FAM13A: variants seen among roughly 807,000 people sequenced by gnomAD.
FAM13A encodes family with sequence similarity 13 member A, also known as protein FAM13A.
In FAM13A, 76 loss-of-function variants were observed where a neutral mutation model predicts 129.6. The observed-to-expected ratio is 0.59, with a 90% CI of 0.49 to 0.71. The LOEUF (loss-of-function observed/expected upper bound fraction) is 0.71. Among genes scored for constraint, FAM13A ranks in the 30% least tolerant of loss-of-function variants. FAM13A has a pLI of 0.00. For synonymous variants in FAM13A, 443 were observed against 449.9 expected (o/e 0.98, Z 0.20); for missense variants, 1,108 against 1,249.3 (o/e 0.89, Z 1.70).
chr4:88,950,468 T>C (rs965988484), intron 4 of FAM13A, among the ~76,000 whole-genome samples: 3 of 152,198 alleles, frequency 2.0e-5, no homozygotes, highest in African/African-American at 7.2e-5. Context: ...TAGAAGCACA[T>C]GATAATTGGG....
chr4:88,945,990 G>GTGTGTGTATATATATATA, intron 4 of FAM13A, among the ~76,000 whole-genome samples: 93 of 61,846 alleles, frequency 1.5e-3, no homozygotes, highest in East Asian at 2.8e-3. Flanking sequence ...GTGTGTGTGT[G>GTGTGTGTATATATATATA]TATATATATA....
At chr4:89,050,143 G>A (rs548107742) in intron 1 of FAM13A, among the ~76,000 whole-genome samples, 4 of 152,290 alleles carry the variant, frequency 2.6e-5, no homozygotes, top group South Asian at 2.1e-4. Context: ...AGTCAGTGAC[G>A]AAAACCAGGA....
chr4:88,747,916 GT>G, intron 17 of FAM13A, 65 bp from the exon 18 acceptor site: 1 of 1,182,016 alleles, frequency 8.5e-7, no homozygotes, highest in Non-Finnish European at 1.2e-6. Context: ...TTGAGATGGA[GT>G]CTCGCTCTGT....
chr4:88,923,924 G>A (rs1277725042), intron 5 of FAM13A, among the ~76,000 whole-genome samples: 5 of 152,148 alleles, frequency 3.3e-5, no homozygotes, highest in Non-Finnish European at 7.3e-5. Context: ...CAAACAGAGA[G>A]CCAAATCATG....
At chr4:89,008,047 A>G in intron 3 of FAM13A, among the ~76,000 whole-genome samples, 1 of 133,146 alleles carries the variant, frequency 7.5e-6, no homozygotes, top group African/African-American at 2.9e-5. Flanking sequence ...TTCTAAATTC[A>G]CTAGACATTA....
intron 2 of FAM13A, among the ~76,000 whole-genome samples, chr4:89,028,319 C>A (rs919358709): frequency 4.6e-5 from 7 of 151,440 alleles, no homozygotes. Context: ...CCTTAGAAAA[C>A]CAAACCATGC....
At chr4:88,823,064 G>A (rs370606262) in intron 7 of FAM13A, 3 of 1,608,880 alleles carry the variant, frequency 1.9e-6, no homozygotes, top group Non-Finnish European at 2.5e-6. Context: ...AAGTTTGGTC[G>A]TCTGTACAGT....
At chr4:88,744,318 T>C (rs1456888461) in intron 19 of FAM13A, among the ~76,000 whole-genome samples, 1 of 152,178 alleles carries the variant, frequency 6.6e-6, no homozygotes, top group Non-Finnish European at 1.5e-5. Context: ...TTCTGTGACA[T>C]GGTCTTTTGA....
chr4:89,042,363 A>T (rs1770260986), intron 1 of FAM13A, among the ~76,000 whole-genome samples: 1 of 152,188 alleles, frequency 6.6e-6, no homozygotes. Context: ...AGAATCCCCA[A>T]ATAGTGCTCT....
At chr4:88,978,891 AAAAT>A (rs1761278172) in intron 4 of FAM13A, among the ~76,000 whole-genome samples, 1 of 152,266 alleles carries the variant, frequency 6.6e-6, no homozygotes, top group Admixed American at 6.5e-5. Context: ...AAAAGCTTCA[AAAAT>A]AAATCATAAG....
intron 4 of FAM13A, among the ~76,000 whole-genome samples, chr4:88,977,449 C>A (rs1761059351): frequency 2.0e-5 from 3 of 152,136 alleles, no homozygotes; most frequent in Admixed American, 2.0e-4. Flanking sequence ...AAAACACCTG[C>A]AAATCACTTA....
intron 6 of FAM13A, among the ~76,000 whole-genome samples, chr4:88,871,467 G>C (rs1741378373): frequency 6.6e-6 from 1 of 152,150 alleles, no homozygotes; most frequent in Non-Finnish European, 1.5e-5. Flanking sequence ...TGATGGAGCT[G>C]AAAACCATGG....
chr4:88,853,175 G>C (rs560402055), intron 6 of FAM13A, among the ~76,000 whole-genome samples: 4 of 151,970 alleles, frequency 2.6e-5, no homozygotes, highest in African/African-American at 9.7e-5. Context: ...TATTATAAAC[G>C]TACAAAAACA....
At chr4:88,850,029 T>A (rs1480016050) in intron 7 of FAM13A, among the ~76,000 whole-genome samples, 1 of 152,214 alleles carries the variant, frequency 6.6e-6, no homozygotes, top group Non-Finnish European at 1.5e-5. Flanking sequence ...GCCCAAATGC[T>A]ATGTCTTCTA....
chr4:88,739,658 G>A (rs916602821), intron 19 of FAM13A, among the ~76,000 whole-genome samples: 2 of 150,974 alleles, frequency 1.3e-5, no homozygotes, highest in African/African-American at 4.9e-5. Context: ...TGTGGTGGTG[G>A]GTGCCTGTAG....
intron 11 of FAM13A, among the ~76,000 whole-genome samples, chr4:88,773,965 C>T (rs1197722173): frequency 1.3e-5 from 2 of 152,148 alleles, no homozygotes; most frequent in African/African-American, 4.8e-5. Context: ...TGCTAAAGTC[C>T]TAAAAATGGC....
intron 5 of FAM13A, among the ~76,000 whole-genome samples, chr4:88,929,092 G>A (rs1752658664): frequency 6.6e-6 from 1 of 152,050 alleles, no homozygotes. Context: ...GTGACAGATT[G>A]TCTGAGCATT....
intron 23 of FAM13A, chr4:88,730,101 G>A (rs1245459721): frequency 6.6e-6 from 1 of 152,166 alleles, no homozygotes; most frequent in Non-Finnish European, 1.5e-5. Flanking sequence ...AAATGACAAA[G>A]TTAATTTTTA....
chr4:88,874,724 T>A (rs1185014654), intron 6 of FAM13A, among the ~76,000 whole-genome samples: 1 of 152,140 alleles, frequency 6.6e-6, no homozygotes, highest in Non-Finnish European at 1.5e-5. Flanking sequence ...CCCAAGGTAA[T>A]TTATAGATTC....
Sources: gnomAD v4.1 joint callset for allele counts (sites outside exome capture counted in the v4.1 genomes callset) on GRCh38, gnomAD v4.1.1 for gene constraint, MANE v1.5 for transcripts, NCBI Gene and HGNC (gene_info 2026-07-23, HGNC 2026-07-21) for gene names.